Variants in C18orf63 observed in about 807,000 individuals in gnomAD.
The protein encoded by C18orf63 is uncharacterized protein C18orf63.
In C18orf63, 50 loss-of-function variants were observed where a neutral mutation model predicts 75.3. The observed-to-expected ratio is 0.66, with a 90% CI of 0.53 to 0.84. The LOEUF (loss-of-function observed/expected upper bound fraction) is 0.84, where lower values mean the gene tolerates loss of function less well. Ranked by LOEUF, C18orf63 falls within the 40% of genes least tolerant of loss-of-function variation. C18orf63 has a pLI of 0.00. For missense variants in C18orf63, 732 were observed against 800.2 expected, an observed-to-expected ratio of 0.91 and a Z score of 1.03; for synonymous variants, 232 against 267.6, an observed-to-expected ratio of 0.87 and a Z score of 1.30.
chr18:74,355,266 T>A (rs1984743503), intron 13 of C18orf63, among the ~76,000 whole-genome samples: 1 of 152,220 alleles, frequency 6.6e-6, no homozygotes, highest in Non-Finnish European at 1.5e-5. Flanking sequence ...CAGAAAGTAT[T>A]TGAGTCTATT....
At chr18:74,352,969 G>C (rs1984692973) in intron 11 of C18orf63, among the ~76,000 whole-genome samples, 1 of 152,112 alleles carries the variant, frequency 6.6e-6, no homozygotes, top group South Asian at 2.1e-4. Flanking sequence ...ACAGTGGGTA[G>C]CTGTGTGAAT....
Position 74,324,455 on chromosome 18 carries a change from TTATTTA to T in C18orf63, c.270+1705_270+1710del, listed in dbSNP as rs543680153. On this transcript the variant is annotated intron_variant, in intron 4 of 13. Coordinates refer to ENST00000579455, the MANE Select transcript of C18orf63 (RefSeq NM_001174123.2). ...GACCAGAACTATGCCATAGGAACTT[TTATTTA>T]TATCAGCGTATAGTTTTAGCAATAG... Among the ~76,000 whole-genome samples, 574 of 152,328 alleles carry T rather than the reference TTATTTA, an allele frequency of 3.8e-3. 4 individuals carry two copies. The highest frequency in any genetic ancestry group is 0.012 in the African/African-American group (508 of 41,578).
In C18orf63 at chr18:74,329,049, G is replaced by C; in HGVS notation, c.424+13G>C. The stretch of plus-strand genomic sequence containing the variant: ...CAAAGTGCTGTTGGTAAGTAAAAAT[G>C]CATAAGTCAATAGATAAAACAATAT... On this transcript the variant is annotated intron_variant, in intron 6 of 13. Transcript: ENST00000579455. The C allele has an allele frequency of 6.9e-7, 1 of 1,453,922 alleles. No homozygotes were observed. The highest frequency in any genetic ancestry group is 9.3e-7 in the Non-Finnish European group (1 of 1,072,354). 90.1% of individuals were successfully genotyped at this position (1,453,922 alleles called of 1,614,324 possible).
chr18:74,352,276 A>G lies in C18orf63; in HGVS notation c.979-970A>G, dbSNP rs201832675. On this transcript the variant is annotated intron_variant, in intron 11 of 13. Transcript: ENST00000579455. ...AACAGGAAATTACTATTTACAGAGT[A>G]CAAAGTTTCTGTTTGGAATGAAAAA... Among the ~76,000 whole-genome samples, 5 of 152,222 alleles carry G rather than the reference A, an allele frequency of 3.3e-5. No individual in the cohort carries two copies. The East Asian group carries it at 9.6e-4, about 29-fold the overall frequency.
chr18:74,325,768 A>T (rs1313082790), intron 4 of C18orf63, among the ~76,000 whole-genome samples: 1 of 152,230 alleles, frequency 6.6e-6, no homozygotes, highest in African/African-American at 2.4e-5. Context: ...TCCATTGTTC[A>T]TGCCCATCCT....
intron 1 of C18orf63, 57 bp from the exon 2 acceptor site, chr18:74,317,777 A>G (rs948517447): frequency 3.0e-6 from 3 of 996,708 alleles, no homozygotes; most frequent in African/African-American, 3.3e-5. Context: ...CTGACTTGGT[A>G]TTGGAACTCT....
intron 13 of C18orf63, 33 bp downstream of exon 13, chr18:74,354,579 A>G: frequency 9.3e-7 from 1 of 1,077,434 alleles, no homozygotes; most frequent in Non-Finnish European, 1.3e-6. Flanking sequence ...ATTTGTTTTT[A>G]CATTATCTGA....
At position 74,339,237 on chromosome 18, in the gene C18orf63, G is replaced by C. The variant is rs73468652; in HGVS notation, c.611+413G>C. On this transcript the variant is annotated intron_variant, in intron 8 of 13. Coordinates refer to ENST00000579455, the MANE Select transcript of C18orf63 (RefSeq NM_001174123.2). The stretch of plus-strand genomic sequence containing the variant: ...TGTTACTAGTATAAGCAGGACTATT[G>C]GGATAAAATTTTAAATTGCTTAGGA... 5.5e-3 allele frequency among the ~76,000 whole-genome samples: 841 copies of C among 151,932 alleles called. 7 individuals are homozygous for C. The highest frequency in any genetic ancestry group is 0.02 in the African/African-American group (809 of 41,460).
At position 74,354,563 on chromosome 18, in the gene C18orf63, C is replaced by A; in HGVS notation, c.*33+17C>A. ...GTCTACCAGGTAACTGAAGTGATAG[C>A]TTTTGATTTGTTTTTACATTATCTG... On this transcript the variant is annotated intron_variant, in intron 13 of 13. Transcript: ENST00000579455. The A allele has an allele frequency of 8.4e-7, 1 of 1,193,178 alleles. No homozygotes were observed. The highest frequency in any genetic ancestry group is 1.2e-6 in the Non-Finnish European group (1 of 858,912). The allele number at this position is 1,193,178 out of a possible 1,614,324, so 73.9% of individuals were successfully genotyped here.
intron 3 of C18orf63, 133 bp downstream of exon 3, chr18:74,320,724 A>G (rs1396367002): frequency 1.9e-6 from 1 of 526,314 alleles, no homozygotes; most frequent in Non-Finnish European, 3.2e-6. Context: ...GTTACAGGTT[A>G]ATTGGATTAT....
At chr18:74,339,403 T>A (rs1374901089) in intron 8 of C18orf63, among the ~76,000 whole-genome samples, 1 of 152,146 alleles carries the variant, frequency 6.6e-6, no homozygotes, top group African/African-American at 2.4e-5. Flanking sequence ...GTGGAAAAAT[T>A]TATTAGTCAT....
rs1356414280 is a variant in C18orf63, at chr18:74,327,972, C to G, written c.296C>G (p.Pro99Arg). ...AKMEAPQRVI[P>R]VILQNCLSYS... ...ATGGAGGCTCCACAAAGAGTAATTC[C>G]TGTAATTCTTCAGAACTGCCTGTCA... Residue 99 changes from proline (P) to arginine (R), a missense_variant, in exon 5 of 14, where the codon CCT becomes CGT. Pro to Arg is a moderately radical substitution (Grantham distance 103). Around this residue, in one of 3 missense-constraint regions of C18orf63, gnomAD observed 233 missense variants for 272.7 expected, o/e 0.85. Coordinates refer to ENST00000579455, the MANE Select transcript of C18orf63 (RefSeq NM_001174123.2). The G allele has an allele frequency of 6.5e-7, 1 of 1,535,304 alleles. No individual in the cohort carries two copies. Among genetic ancestry groups the G allele is most frequent in the East Asian group, 2.4e-5 (1 of 40,888 alleles).
At position 74,328,001 on chromosome 18, in the gene C18orf63, T is replaced by G; in HGVS notation, c.325T>G (p.Ser109Ala). ...PVILQNCLSY[S>A]FMARLAPAWN... is the part of the protein sequence containing the mutation. Reference sequence around the variant, plus strand: ...AATTCTTCAGAACTGCCTGTCATATTCATTCATGGCTAGACTTGCTCCAGC... The same window carrying G: ...AATTCTTCAGAACTGCCTGTCATATGCATTCATGGCTAGACTTGCTCCAGC... The change falls in exon 5 of 14, where the codon TCA becomes GCA. Residue 109 changes from serine to alanine, a missense_variant. By Grantham distance (99) the Ser-to-Ala change is moderately conservative (BLOSUM62 1). Transcript: ENST00000579455. The G allele has an allele frequency of 6.5e-7, 1 of 1,535,848 alleles. No individual in the cohort carries two copies. The highest frequency in any genetic ancestry group is 8.7e-7 in the Non-Finnish European group (1 of 1,146,616).
At chr18:74,334,908 T>C (rs191363700) in intron 7 of C18orf63, among the ~76,000 whole-genome samples, 1 of 152,198 alleles carries the variant, frequency 6.6e-6, no homozygotes, top group Admixed American at 6.5e-5. Flanking sequence ...AAAGATAGTA[T>C]GGTCTTTCAT....
Position 74,353,696 on chromosome 18 carries a change from C to A in C18orf63, c.1429C>A (p.Gln477Lys). ...GTTTTCACTCAAAACTAGTATGATCCAGCATGACAAACTGAATTTAGGTCC... is the reference window on the plus strand; with the variant it reads ...GTTTTCACTCAAAACTAGTATGATCAAGCATGACAAACTGAATTTAGGTCC... ...KLFSLKTSMI[Q>K]HDKLNLGPAI... Residue 477 changes from glutamine (Q) to lysine (K), a missense_variant, in exon 12 of 14, where the codon CAG (glutamine) becomes AAG (lysine). Gln to Lys is a moderately conservative substitution (Grantham distance 53, BLOSUM62 1). Coordinates refer to ENST00000579455, the MANE Select transcript of C18orf63 (RefSeq NM_001174123.2). 6.5e-7 allele frequency: 1 copy of A among 1,535,934 alleles called. No individual in the cohort carries two copies. Among genetic ancestry groups the A allele is most frequent in the East Asian group, 2.4e-5 (1 of 40,908 alleles).
chr18:74,350,226 T>C (rs925979382), intron 11 of C18orf63, among the ~76,000 whole-genome samples: 4 of 151,962 alleles, frequency 2.6e-5, no homozygotes, highest in Non-Finnish European at 2.9e-5. Flanking sequence ...GTACAGGGAG[T>C]CTTCAGAAAA....
intron 4 of C18orf63, among the ~76,000 whole-genome samples, chr18:74,324,933 C>T (rs1321430219): frequency 3.3e-5 from 5 of 152,088 alleles, no homozygotes; most frequent in African/African-American, 7.2e-5. Context: ...GTTTTCTACC[C>T]TCATTGAGCC....
rs574607054 is a variant in C18orf63, at chr18:74,356,329, C to G, written c.*34-152C>G. Reference sequence around the variant, plus strand: ...CTTTCTATCATTCTGCACTCTATGTCCACGTGTATATATTATTTAGCTCCC... The same window carrying G: ...CTTTCTATCATTCTGCACTCTATGTGCACGTGTATATATTATTTAGCTCCC... On this transcript the variant is annotated intron_variant, in intron 13 of 13. Coordinates refer to ENST00000579455, the MANE Select transcript of C18orf63 (RefSeq NM_001174123.2). Among the ~76,000 whole-genome samples, 26 of 152,052 alleles carry G rather than the reference C, an allele frequency of 1.7e-4. No individual in the cohort carries two copies. In the South Asian group the frequency reaches 5.4e-3, roughly 32 times the overall value.
At chr18:74,345,479 G>A (rs111746321) in intron 11 of C18orf63, among the ~76,000 whole-genome samples, 6 of 151,946 alleles carry the variant, frequency 3.9e-5, no homozygotes, top group African/African-American at 7.2e-5. Flanking sequence ...GAAGGTATTC[G>A]CCTCTAATAT....
Sources: gnomAD v4.1 joint callset for allele counts (sites outside exome capture counted in the v4.1 genomes callset) on GRCh38, gnomAD v4.1.1 for gene constraint, gnomAD v4.1.1 regional missense constraint, MANE v1.5 for transcripts, NCBI Gene and HGNC (gene_info 2026-07-23, HGNC 2026-07-21) for gene names.